Variants in GRM8 observed in about 807,000 individuals in gnomAD.
GRM8 encodes the protein glutamate metabotropic receptor 8, also known as metabotropic glutamate receptor 8.
Under a neutral mutation model 87.2 loss-of-function variants are expected in GRM8, and 47 were observed. The ratio of observed to expected loss-of-function variants is 0.54; its 90% CI spans 0.43 to 0.69. GRM8 has a LOEUF of 0.69. Among genes scored for constraint, GRM8 ranks in the 30% least tolerant of loss-of-function variants. GRM8 has a pLI of 0.00. For synonymous variants in GRM8, 396 were observed against 404.5 expected (o/e 0.98, Z 0.25); for missense variants, 1,019 against 1,139.2 (o/e 0.89, Z 1.52).
intron 3 of GRM8, among the ~76,000 whole-genome samples, chr7:127,022,769 T>C (rs529698919): frequency 5.5e-4 from 83 of 152,136 alleles, no homozygotes; most frequent in Non-Finnish European, 8.7e-4. Flanking sequence ...GTACATTTTG[T>C]TTCACCAATC....
At chr7:127,200,094 C>A (rs1795506150) in intron 2 of GRM8, among the ~76,000 whole-genome samples, 1 of 152,084 alleles carries the variant, frequency 6.6e-6, no homozygotes, top group African/African-American at 2.4e-5. Flanking sequence ...TCAAGACACC[C>A]AACATGATTT....
At chr7:126,459,122 A>G (rs1409695582) in intron 9 of GRM8, among the ~76,000 whole-genome samples, 3 of 151,564 alleles carry the variant, frequency 2.0e-5, no homozygotes, top group Non-Finnish European at 3.0e-5. Context: ...TGGTAATATG[A>G]TAAGTCCACA....
intron 3 of GRM8, among the ~76,000 whole-genome samples, chr7:127,013,014 C>T (rs1815052199): frequency 6.6e-6 from 1 of 152,120 alleles, no homozygotes; most frequent in Non-Finnish European, 1.5e-5. Flanking sequence ...GAGGTCATTG[C>T]TAAGACAGTG....
chr7:126,999,208 C>T (rs1813478910), intron 3 of GRM8, among the ~76,000 whole-genome samples: 1 of 151,824 alleles, frequency 6.6e-6, no homozygotes, highest in Admixed American at 6.6e-5. Context: ...TGAAACTAGA[C>T]CCCTATCTCT....
chr7:126,533,301 G>A lies in GRM8; in HGVS notation c.2081C>T (p.Ser694Phe). The change falls in exon 9 of 11, where the codon TCT becomes TTT. Residue 694 changes from serine (S) to phenylalanine (F), a missense_variant. Physicochemically the swap from Ser to Phe is radical, Grantham distance 155. Transcript: ENST00000339582. Reference sequence around the variant, plus strand: ...GAGGCTGAAGGTGATCACCAGCTGAGATGCTGGACTAATGAACTTGGGCGC... The same window carrying A: ...GAGGCTGAAGGTGATCACCAGCTGAAATGCTGGACTAATGAACTTGGGCGC... ...VTAPKFISPA[S>F]QLVITFSLIS... 6.2e-7 allele frequency: 1 copy of A among 1,613,428 alleles called. No individual in the cohort carries two copies. The highest frequency in any genetic ancestry group is 8.5e-7 in the Non-Finnish European group (1 of 1,179,610).
intron 6 of GRM8, among the ~76,000 whole-genome samples, chr7:126,881,189 C>T (rs1799988541): frequency 6.6e-6 from 1 of 152,066 alleles, no homozygotes; most frequent in South Asian, 2.1e-4. Flanking sequence ...GAGTTATTTG[C>T]ATAAATTGTA....
chr7:126,860,511 A>G (rs1798053831), intron 6 of GRM8, among the ~76,000 whole-genome samples: 1 of 152,208 alleles, frequency 6.6e-6, no homozygotes, highest in Admixed American at 6.5e-5. Context: ...TGCAATATAG[A>G]TATATTTGTG....
chr7:126,830,679 G>A lies in GRM8; in HGVS notation c.1157-60614C>T, dbSNP rs554657926. Among the ~76,000 whole-genome samples the A allele has an allele frequency of 2.6e-4, 39 of 152,082 alleles. No homozygotes were observed. The South Asian group carries it at 4.2e-3, about 16-fold the overall frequency. On this transcript the variant is annotated intron_variant, in intron 6 of 10. Coordinates refer to ENST00000339582, the MANE Select transcript of GRM8 (RefSeq NM_000845.3). ...TCCTGTAGCTCGGAGTAGTTTGATC[G>A]TCTGAAGCCTTCTTCTCTCAACTCG...
At chr7:126,891,735 G>T (rs1008296901) in intron 6 of GRM8, among the ~76,000 whole-genome samples, 1 of 151,822 alleles carries the variant, frequency 6.6e-6, no homozygotes, top group Non-Finnish European at 1.5e-5. Context: ...CTGGCTATTC[G>T]CTTAACACAT....
chr7:126,914,910 A>G (rs978847413), intron 3 of GRM8, among the ~76,000 whole-genome samples: 4 of 152,120 alleles, frequency 2.6e-5, no homozygotes, highest in African/African-American at 9.7e-5. Context: ...TACCCCCCCA[A>G]TCTAAAATAA....
At chr7:127,140,431 G>A (rs984146389) in intron 2 of GRM8, among the ~76,000 whole-genome samples, 5 of 152,064 alleles carry the variant, frequency 3.3e-5, no homozygotes, top group African/African-American at 1.2e-4. Flanking sequence ...GTCTTGAAAG[G>A]CAAATATAAT....
At chr7:127,187,757 C>T (rs1034941312) in intron 2 of GRM8, among the ~76,000 whole-genome samples, 3 of 152,150 alleles carry the variant, frequency 2.0e-5, no homozygotes, top group Non-Finnish European at 4.4e-5. Flanking sequence ...TTCCTTGACT[C>T]CTTTCATCTT....
chr7:127,176,335 C>T (rs1794105795), intron 2 of GRM8, among the ~76,000 whole-genome samples: 1 of 151,958 alleles, frequency 6.6e-6, no homozygotes, highest in Admixed American at 6.6e-5. Flanking sequence ...ACAACTATAC[C>T]AATAATCACT....
Position 126,769,955 on chromosome 7 carries a change from G to T in GRM8, c.1267C>A (p.Leu423Ile), listed in dbSNP as rs1818653303. The T allele has an allele frequency of 1.2e-6, 2 of 1,612,400 alleles. No homozygotes were observed. Among genetic ancestry groups the T allele is most frequent in the Non-Finnish European group, 1.7e-6 (2 of 1,178,804 alleles). ...CAAAGGCCAATGTATCCAGGGCAGA[G>T]ATCTTTGTGCATATTGTGCAGGGCG... ...AYALHNMHKD[L>I]CPGYIGLCPR... Residue 423 changes from leucine to isoleucine, a missense_variant, in exon 7 of 11, where the codon CTC (leucine) becomes ATC (isoleucine). Coordinates refer to ENST00000339582, the MANE Select transcript of GRM8 (RefSeq NM_000845.3).
chr7:126,464,058 A>G (rs1000521025), intron 9 of GRM8, among the ~76,000 whole-genome samples: 4 of 151,646 alleles, frequency 2.6e-5, no homozygotes, highest in African/African-American at 7.2e-5. Flanking sequence ...GCATTTGAGT[A>G]TCTTCTTCTG....
intron 2 of GRM8, among the ~76,000 whole-genome samples, chr7:127,180,512 C>T (rs930928352): frequency 2.6e-5 from 4 of 151,966 alleles, no homozygotes; most frequent in African/African-American, 9.7e-5. Flanking sequence ...GCCAGCATCA[C>T]CCTAATACCA....
At chr7:127,180,961 C>A (rs1794400136) in intron 2 of GRM8, among the ~76,000 whole-genome samples, 1 of 151,950 alleles carries the variant, frequency 6.6e-6, no homozygotes, top group Non-Finnish European at 1.5e-5. Context: ...TCTTACCACT[C>A]CTCTTCAACA....
intron 3 of GRM8, among the ~76,000 whole-genome samples, chr7:126,978,961 T>C (rs1332336256): frequency 1.3e-5 from 2 of 152,220 alleles, no homozygotes; most frequent in East Asian, 3.8e-4. Context: ...CTTTGGGAAT[T>C]TGCACACAGC....
rs551602811 is a variant in GRM8 at position 126,990,534 on chromosome 7, CCT to C, written c.728-85853_728-85852del. Among the ~76,000 whole-genome samples the C allele has an allele frequency of 1.2e-3, 183 of 152,252 alleles. 1 individual carries two copies. The highest frequency in any genetic ancestry group is 2.3e-3 in the East Asian group (12 of 5,188). ...GCAACTAAACCTATGCAAACAATCC[CCT>C]GTTTTCAGATAGCTTGATGTGGGAA... On this transcript the variant is annotated intron_variant, in intron 3 of 10. Coordinates refer to ENST00000339582, the MANE Select transcript of GRM8 (RefSeq NM_000845.3).
Sources: allele counts gnomAD v4.1 joint callset (sites outside exome capture counted in the v4.1 genomes callset), GRCh38; gene constraint gnomAD v4.1.1; transcripts MANE v1.5; gene names NCBI Gene and HGNC (gene_info 2026-07-23, HGNC 2026-07-21).